Variants in OPCML observed in about 807,000 individuals in gnomAD.
The protein encoded by OPCML is opioid binding protein/cell adhesion molecule like.
A neutral mutation model predicts 37.8 loss-of-function variants in OPCML; 13 were observed. The observed-to-expected ratio is 0.34, with a 90% CI of 0.22 to 0.55. OPCML has a LOEUF of 0.55. Among genes scored for constraint, OPCML ranks in the 20% least tolerant of loss-of-function variants. OPCML has a pLI of 0.91. For missense variants in OPCML, 341 were observed against 435.6 expected (o/e 0.78, Z 1.93); for synonymous variants, 176 against 168.8 (o/e 1.04, Z -0.33).
chr11:132,729,200 A>G (rs1168080949), intron 2 of OPCML, among the ~76,000 whole-genome samples: 4 of 152,216 alleles, frequency 2.6e-5, no homozygotes, highest in Admixed American at 6.5e-5. Context: ...ACTTCACATT[A>G]TGCACAATGA....
At chr11:132,763,900 C>T (rs1946347562) in intron 2 of OPCML, among the ~76,000 whole-genome samples, 3 of 152,222 alleles carry the variant, frequency 2.0e-5, no homozygotes, top group Admixed American at 2.0e-4. Context: ...TGCTCACAAA[C>T]ACTAGAACTC....
rs766004015 is a variant in OPCML at position 132,436,049 on chromosome 11, T to A, written c.916+37A>T. On this transcript the variant is annotated intron_variant, in intron 7 of 7. Coordinates refer to ENST00000524381, the MANE Select transcript of OPCML (RefSeq NM_001012393.5). ...CCTGAGTCCCTCAAGCTTCCCCATG[T>A]GGCTGAGCCCACTGCATCCAGGCTT... The A allele has an allele frequency of 1.6e-5, 26 of 1,597,672 alleles. No individual in the cohort carries two copies. In the South Asian group the frequency reaches 2.5e-4, roughly 15 times the overall value.
chr11:133,459,014 G>C (rs1946796018), intron 1 of OPCML, among the ~76,000 whole-genome samples: 1 of 151,820 alleles, frequency 6.6e-6, no homozygotes, highest in Non-Finnish European at 1.5e-5. Context: ...AAAGCAAAAA[G>C]AATTATAAGT....
At chr11:132,926,268 G>A (rs186353645) in intron 2 of OPCML, among the ~76,000 whole-genome samples, 44 of 152,270 alleles carry the variant, frequency 2.9e-4, no homozygotes, top group Non-Finnish European at 2.2e-4. Flanking sequence ...TCAGAGGCAT[G>A]TTCTGTATTG....
intron 1 of OPCML, among the ~76,000 whole-genome samples, chr11:133,411,009 T>C (rs1376981940): frequency 6.6e-6 from 1 of 152,170 alleles, no homozygotes; most frequent in Non-Finnish European, 1.5e-5. Context: ...CATTTTGATC[T>C]CCCTTGGTTA....
chr11:133,469,427 G>T (rs1465911930), intron 1 of OPCML, among the ~76,000 whole-genome samples: 1 of 152,148 alleles, frequency 6.6e-6, no homozygotes, highest in East Asian at 1.9e-4. Flanking sequence ...TACCACCTAG[G>T]TGTGTATAAG....
At chr11:133,514,160 C>G (rs1328922051) in intron 1 of OPCML, among the ~76,000 whole-genome samples, 1 of 152,200 alleles carries the variant, frequency 6.6e-6, no homozygotes, top group African/African-American at 2.4e-5. Flanking sequence ...CTTGGAGCTA[C>G]AGCATTGTCA....
intron 1 of OPCML, among the ~76,000 whole-genome samples, chr11:133,074,536 C>A (rs905349807): frequency 6.6e-6 from 1 of 152,092 alleles, no homozygotes; most frequent in Non-Finnish European, 1.5e-5. Flanking sequence ...CCTATGCAGA[C>A]TTTCCAGGCC....
intron 1 of OPCML, among the ~76,000 whole-genome samples, chr11:133,369,247 A>C (rs559368901): frequency 1.3e-5 from 2 of 152,368 alleles, no homozygotes; most frequent in African/African-American, 4.8e-5. Flanking sequence ...TATGCATAGA[A>C]ATTTCTTGTC....
intron 1 of OPCML, among the ~76,000 whole-genome samples, chr11:133,328,249 C>A (rs988558884): frequency 6.6e-6 from 1 of 150,960 alleles, no homozygotes; most frequent in East Asian, 2.0e-4. Flanking sequence ...CCTCCGCCTT[C>A]CAAGGTCAAG....
chr11:133,387,067 C>A (rs910666273), intron 1 of OPCML, among the ~76,000 whole-genome samples: 6 of 152,194 alleles, frequency 3.9e-5, no homozygotes, highest in Non-Finnish European at 8.8e-5. Flanking sequence ...AGCCTGGGCT[C>A]TCTGTATCAT....
chr11:132,944,662 G>T (rs1945704496), intron 1 of OPCML, among the ~76,000 whole-genome samples: 1 of 152,220 alleles, frequency 6.6e-6, no homozygotes, highest in South Asian at 2.1e-4. Flanking sequence ...ACAGGAAGCG[G>T]CGCCGCAGTG....
At chr11:133,399,553 C>G (rs1040589161) in intron 1 of OPCML, among the ~76,000 whole-genome samples, 1 of 152,126 alleles carries the variant, frequency 6.6e-6, no homozygotes, top group African/African-American at 2.4e-5. Context: ...CATGGCACAG[C>G]CTGTCTGTGA....
chr11:133,242,949 C>A (rs541863946), intron 1 of OPCML, among the ~76,000 whole-genome samples: 4 of 152,166 alleles, frequency 2.6e-5, no homozygotes, highest in Non-Finnish European at 5.9e-5. Context: ...ATAAGTCAAA[C>A]AAAATCAGGC....
At chr11:132,836,457 T>C (rs1304059272) in intron 2 of OPCML, among the ~76,000 whole-genome samples, 1 of 152,188 alleles carries the variant, frequency 6.6e-6, no homozygotes, top group Non-Finnish European at 1.5e-5. Context: ...TCAAAATGTA[T>C]ATGATATGTG....
At chr11:132,575,373 T>G (rs994012284) in intron 3 of OPCML, among the ~76,000 whole-genome samples, 8 of 152,092 alleles carry the variant, frequency 5.3e-5, no homozygotes, top group African/African-American at 1.9e-4. Flanking sequence ...ATTTTTGTAC[T>G]GATATGCTTT....
At chr11:132,791,904 C>T (rs1469140698) in intron 2 of OPCML, among the ~76,000 whole-genome samples, 1 of 152,154 alleles carries the variant, frequency 6.6e-6, no homozygotes, top group African/African-American at 2.4e-5. Flanking sequence ...GATGGGTGTA[C>T]TCAGTGCTGG....
intron 1 of OPCML, among the ~76,000 whole-genome samples, chr11:133,168,350 G>T (rs1565483213): frequency 6.6e-6 from 1 of 152,118 alleles, no homozygotes; most frequent in Non-Finnish European, 1.5e-5. Flanking sequence ...GAGAGCAGGT[G>T]GGTAAAAAGA....
chr11:133,313,898 G>C (rs1467968627), intron 1 of OPCML, among the ~76,000 whole-genome samples: 3 of 152,180 alleles, frequency 2.0e-5, no homozygotes, highest in Non-Finnish European at 4.4e-5. Flanking sequence ...ATGGTACAGA[G>C]AGAACTATCA....
Sources: gnomAD v4.1 joint callset for allele counts (sites outside exome capture counted in the v4.1 genomes callset) on GRCh38, gnomAD v4.1.1 for gene constraint, MANE v1.5 for transcripts, NCBI Gene and HGNC (gene_info 2026-07-23, HGNC 2026-07-21) for gene names.